Variants in CHN2 observed in about 807,000 individuals in gnomAD.
CHN2 encodes the protein chimerin 2, also known as beta-chimaerin.
A neutral mutation model predicts 56.3 loss-of-function variants in CHN2; 35 were observed. The observed-to-expected ratio is 0.62, with a 90% CI of 0.47 to 0.82. CHN2 has a LOEUF of 0.82. Ranked by LOEUF, CHN2 falls within the 40% of genes least tolerant of loss-of-function variation. CHN2 has a pLI of 0.00. For missense variants in CHN2, 491 were observed against 580.5 expected, an observed-to-expected ratio of 0.85 and a Z score of 1.58; for synonymous variants, 210 against 212.8, an observed-to-expected ratio of 0.99 and a Z score of 0.12.
intron 1 of CHN2, among the ~76,000 whole-genome samples, chr7:29,256,887 T>C (rs909048413): frequency 5.3e-5 from 8 of 152,224 alleles, no homozygotes; most frequent in Admixed American, 2.0e-4. Flanking sequence ...CAAGGAGTTC[T>C]GGCTGAAAAT....
chr7:29,238,562 G>A (rs900756416), intron 1 of CHN2, among the ~76,000 whole-genome samples: 5 of 152,176 alleles, frequency 3.3e-5, no homozygotes, highest in African/African-American at 1.2e-4. Context: ...ACACATAAAT[G>A]TATTGAGGAT....
At chr7:29,389,174 G>A (rs1242063366) in intron 3 of CHN2, among the ~76,000 whole-genome samples, 2 of 152,070 alleles carry the variant, frequency 1.3e-5, no homozygotes, top group Non-Finnish European at 2.9e-5. Flanking sequence ...CTCAGAGCGT[G>A]CTGGGAACGT....
intron 6 of CHN2, among the ~76,000 whole-genome samples, chr7:29,449,613 A>T (rs891815500): frequency 2.6e-5 from 4 of 152,254 alleles, no homozygotes; most frequent in African/African-American, 9.6e-5. Flanking sequence ...TAGGAAATGA[A>T]TAAGATTATT....
chr7:29,151,094 G>A (rs1793529448), intron 2 of CHN2, among the ~76,000 whole-genome samples: 1 of 152,194 alleles, frequency 6.6e-6, no homozygotes, highest in African/African-American at 2.4e-5. Context: ...CACATGCCCT[G>A]ATCAACTTAT....
chr7:29,406,649 A>C (rs1802676596), intron 6 of CHN2, among the ~76,000 whole-genome samples: 1 of 152,166 alleles, frequency 6.6e-6, no homozygotes, highest in Non-Finnish European at 1.5e-5. Flanking sequence ...GTGGTTCTCA[A>C]AGCATGGCCC....
intron 6 of CHN2, among the ~76,000 whole-genome samples, chr7:29,417,041 G>A (rs906596192): frequency 6.6e-6 from 1 of 152,088 alleles, no homozygotes; most frequent in Non-Finnish European, 1.5e-5. Context: ...GCATGCCGCC[G>A]GGTAGCATCT....
intron 2 of CHN2, among the ~76,000 whole-genome samples, chr7:29,151,642 T>C (rs1793610571): frequency 6.6e-6 from 1 of 152,222 alleles, no homozygotes; most frequent in Admixed American, 6.5e-5. Context: ...ATTGATATTA[T>C]GATGAACCTG....
intron 1 of CHN2, among the ~76,000 whole-genome samples, chr7:29,217,011 T>C (rs1191981936): frequency 6.6e-6 from 1 of 152,158 alleles, no homozygotes; most frequent in Non-Finnish European, 1.5e-5. Flanking sequence ...AGGAAAAACC[T>C]CCAGAGAGTC....
intron 1 of CHN2, 121 bp from the exon 2 acceptor site, chr7:29,354,504 G>T (rs1352086704): frequency 1.7e-5 from 14 of 809,444 alleles, no homozygotes; most frequent in Non-Finnish European, 2.8e-5. Context: ...AATGAGAAGA[G>T]AGTCCCCCTG....
chr7:29,247,664 C>A (rs2128815495), intron 1 of CHN2, among the ~76,000 whole-genome samples: 1 of 152,360 alleles, frequency 6.6e-6, no homozygotes, highest in South Asian at 2.1e-4. Context: ...AGCCTCACCG[C>A]CCCGATGGTG....
At chr7:29,188,800 C>G (rs1021051770) in intron 2 of CHN2, among the ~76,000 whole-genome samples, 1 of 152,050 alleles carries the variant, frequency 6.6e-6, no homozygotes, top group African/African-American at 2.4e-5. Flanking sequence ...AAGTCGTCAC[C>G]GGCATGGATA....
At chr7:29,349,837 C>G (rs747406459) in intron 1 of CHN2, among the ~76,000 whole-genome samples, 8 of 152,044 alleles carry the variant, frequency 5.3e-5, no homozygotes, top group Non-Finnish European at 8.8e-5. Context: ...GCTTCTTGTT[C>G]TACTTCCTCC....
At chr7:29,184,030 AC>A (rs750081949) in intron 2 of CHN2, among the ~76,000 whole-genome samples, 89 of 152,182 alleles carry the variant, frequency 5.8e-4, no homozygotes, top group East Asian at 5.8e-4. Context: ...ATCTGCAAAT[AC>A]TACACTATTT....
chr7:29,318,558 C>G (rs1300385369), intron 1 of CHN2, among the ~76,000 whole-genome samples: 1 of 152,106 alleles, frequency 6.6e-6, no homozygotes, highest in Non-Finnish European at 1.5e-5. Flanking sequence ...GGTCAGAGCC[C>G]TAAAAGAGAC....
At chr7:29,413,864 G>A (rs970106159) in intron 6 of CHN2, among the ~76,000 whole-genome samples, 14 of 152,126 alleles carry the variant, frequency 9.2e-5, no homozygotes, top group Admixed American at 1.3e-4. Context: ...TCCCAATATC[G>A]GTACTCAGTG....
intron 1 of CHN2, among the ~76,000 whole-genome samples, chr7:29,275,458 G>C (rs1194201286): frequency 6.6e-6 from 1 of 152,150 alleles, no homozygotes; most frequent in Non-Finnish European, 1.5e-5. Flanking sequence ...CCACATGTAA[G>C]ACTCTATGAT....
At chr7:29,227,009 G>A (rs1786262299) in intron 1 of CHN2, among the ~76,000 whole-genome samples, 1 of 152,142 alleles carries the variant, frequency 6.6e-6, no homozygotes, top group South Asian at 2.1e-4. Flanking sequence ...TGTCATAAAT[G>A]GTCCCTGACC....
chr7:29,204,996 A>G (rs1364656432), intron 1 of CHN2, among the ~76,000 whole-genome samples: 1 of 152,220 alleles, frequency 6.6e-6, no homozygotes, highest in Non-Finnish European at 1.5e-5. Context: ...TTGCCACAGT[A>G]CTTATTTGGT....
At chr7:29,354,976 T>TTTATTTA (rs1562541555) in intron 2 of CHN2, among the ~76,000 whole-genome samples, 5 of 43,466 alleles carry the variant, frequency 1.2e-4, no homozygotes, top group African/African-American at 2.5e-4. Flanking sequence ...TTATTTATTT[T>TTTATTTA]TTATTTATTG....
Sources: allele counts gnomAD v4.1 joint callset (sites outside exome capture counted in the v4.1 genomes callset), GRCh38; gene constraint gnomAD v4.1.1; transcripts MANE v1.5; gene names NCBI Gene and HGNC (gene_info 2026-07-23, HGNC 2026-07-21).